The following LRRTM4 variants were observed in gnomAD, a reference collection of about 807,000 sequenced individuals.
LRRTM4 encodes leucine-rich repeat transmembrane neuronal protein 4.
Under a neutral mutation model 47.6 loss-of-function variants are expected in LRRTM4, and 25 were observed. The observed-to-expected ratio is 0.53, with a 90% CI of 0.38 to 0.73. LRRTM4 has a LOEUF of 0.73. Ranked by LOEUF, LRRTM4 falls within the 30% of genes least tolerant of loss-of-function variation. LRRTM4 has a pLI of 0.00. For synonymous variants in LRRTM4, 311 were observed against 269.5 expected, an observed-to-expected ratio of 1.15 and a Z score of -1.51; for missense variants, 638 against 713.4, an observed-to-expected ratio of 0.89 and a Z score of 1.20.
At chr2:77,275,498 G>A (rs1395768943) in intron 3 of LRRTM4, among the ~76,000 whole-genome samples, 1 of 152,082 alleles carries the variant, frequency 6.6e-6, no homozygotes, top group Non-Finnish European at 1.5e-5. Flanking sequence ...TATTCTGTAG[G>A]CAATGTTATT....
At chr2:77,462,020 C>T (rs1247386432) in intron 3 of LRRTM4, among the ~76,000 whole-genome samples, 1 of 152,082 alleles carries the variant, frequency 6.6e-6, no homozygotes, top group African/African-American at 2.4e-5. Flanking sequence ...AAACTGAGAA[C>T]AACTGAAGAG....
At chr2:77,513,512 ATT>A (rs1276446549) in intron 3 of LRRTM4, among the ~76,000 whole-genome samples, 16 of 152,110 alleles carry the variant, frequency 1.1e-4, no homozygotes, top group Non-Finnish European at 2.4e-4. Context: ...ACTATGTTAA[ATT>A]TTGTTTTTTG....
intron 3 of LRRTM4, among the ~76,000 whole-genome samples, chr2:76,869,631 A>T (rs571676442): frequency 6.6e-6 from 1 of 152,166 alleles, no homozygotes; most frequent in Non-Finnish European, 1.5e-5. Context: ...ACTTAAAAAC[A>T]TGGCTGTTAT....
chr2:77,397,449 T>C (rs1673747522), intron 3 of LRRTM4, among the ~76,000 whole-genome samples: 1 of 151,824 alleles, frequency 6.6e-6, no homozygotes, highest in South Asian at 2.1e-4. Context: ...AGAGACTTGA[T>C]CGCCCACAGG....
chr2:77,110,278 C>A (rs767692192), intron 3 of LRRTM4, among the ~76,000 whole-genome samples: 9 of 152,082 alleles, frequency 5.9e-5, no homozygotes, highest in Non-Finnish European at 1.2e-4. Context: ...TAGTTGGCAA[C>A]CTAGAATTTA....
intron 3 of LRRTM4, among the ~76,000 whole-genome samples, chr2:77,373,795 T>G (rs1282033892): frequency 6.6e-6 from 1 of 151,798 alleles, no homozygotes; most frequent in Non-Finnish European, 1.5e-5. Context: ...TCAGGGGGTT[T>G]CTTGCGGAGA....
intron 3 of LRRTM4, among the ~76,000 whole-genome samples, chr2:77,066,512 C>T (rs1053093836): frequency 2.0e-5 from 3 of 152,108 alleles, no homozygotes; most frequent in African/African-American, 4.8e-5. Context: ...CACAAAAACC[C>T]GTATATTAAT....
At chr2:77,336,723 A>G (rs1274360377) in intron 3 of LRRTM4, among the ~76,000 whole-genome samples, 1 of 152,180 alleles carries the variant, frequency 6.6e-6, no homozygotes, top group African/African-American at 2.4e-5. Context: ...CCTCAAAATA[A>G]TAAGAGCTAT....
intron 3 of LRRTM4, among the ~76,000 whole-genome samples, chr2:76,796,051 G>A (rs139879991): frequency 0.16 from 16,308 of 102,712 alleles, 3,530 homozygotes; most frequent in East Asian, 0.44. Flanking sequence ...AGAAAGGGGT[G>A]ATGTACTGCA....
At chr2:77,331,053 T>C (rs1025767460) in intron 3 of LRRTM4, among the ~76,000 whole-genome samples, 20 of 152,030 alleles carry the variant, frequency 1.3e-4, no homozygotes, top group African/African-American at 4.4e-4. Context: ...AAATGGTTTA[T>C]GTAATTTGAA....
At position 77,519,294 on chromosome 2, in the gene LRRTM4, C is replaced by T. The variant is rs770333447; in HGVS notation, c.575G>A (p.Arg192His). Residue 192 changes from arginine to histidine, a missense_variant, in exon 3 of 4, where the codon CGT becomes CAT. By Grantham distance (29) the Arg-to-His change is conservative. Coordinates refer to ENST00000409884, the MANE Select transcript of LRRTM4 (RefSeq NM_001134745.3). The surrounding 1 kb of genome is among the most constrained non-coding windows in gnomAD (Gnocchi z 4.6). ...TGCATTTCGGGACAAGCTTCGAAGA[C>T]GATTGTAACCCAAATCCAAAAAATC... is the stretch of plus-strand genomic sequence containing the variant. Reference protein sequence around the residue: ...NLDFLDLGYNRLRSLSRNAFA... With the variant: ...NLDFLDLGYNHLRSLSRNAFA... The T allele has an allele frequency of 2.5e-6, 4 of 1,613,250 alleles. No individual in the cohort carries two copies. Among genetic ancestry groups the T allele is most frequent in the Non-Finnish European group, 3.4e-6 (4 of 1,179,586 alleles).
intron 3 of LRRTM4, among the ~76,000 whole-genome samples, chr2:77,441,582 T>C (rs1310149772): frequency 1.3e-5 from 2 of 152,174 alleles, no homozygotes; most frequent in Non-Finnish European, 2.9e-5. Context: ...AAGATGGAGA[T>C]AATAAGCTTA....
At chr2:76,828,650 G>T (rs758153409) in intron 3 of LRRTM4, among the ~76,000 whole-genome samples, 5 of 151,896 alleles carry the variant, frequency 3.3e-5, no homozygotes, top group Non-Finnish European at 5.9e-5. Flanking sequence ...TGTGTTTTTA[G>T]AAACAGTTAG....
At chr2:76,949,813 A>G (rs1675439846) in intron 3 of LRRTM4, among the ~76,000 whole-genome samples, 1 of 151,970 alleles carries the variant, frequency 6.6e-6, no homozygotes, top group Non-Finnish European at 1.5e-5. Context: ...TGATGATGAC[A>G]TTAAGAAAAC....
intron 3 of LRRTM4, among the ~76,000 whole-genome samples, chr2:77,162,316 G>A (rs1191534531): frequency 2.0e-5 from 3 of 152,180 alleles, no homozygotes; most frequent in Non-Finnish European, 4.4e-5. Flanking sequence ...TAAACAAAGT[G>A]GCCAGGAATC....
intron 3 of LRRTM4, among the ~76,000 whole-genome samples, chr2:77,271,691 C>G (rs879256725): frequency 2.0e-5 from 3 of 152,202 alleles, no homozygotes; most frequent in Non-Finnish European, 4.4e-5. Flanking sequence ...ACTTTCCAGG[C>G]TGCTACTCAG....
chr2:77,244,020 G>A (rs1216445753), intron 3 of LRRTM4, among the ~76,000 whole-genome samples: 1 of 128,224 alleles, frequency 7.8e-6, no homozygotes, highest in South Asian at 2.8e-4. Flanking sequence ...AATATGCGGT[G>A]TTTGGTTTTT....
At chr2:77,089,659 CCTT>C (rs1408367208) in intron 3 of LRRTM4, among the ~76,000 whole-genome samples, 3 of 152,150 alleles carry the variant, frequency 2.0e-5, no homozygotes, top group Admixed American at 2.0e-4. Flanking sequence ...CTCCATTCCT[CCTT>C]CTACTCCCCT....
chr2:77,015,558 T>A (rs184486592), intron 3 of LRRTM4, among the ~76,000 whole-genome samples: 329 of 151,922 alleles, frequency 2.2e-3, no homozygotes, highest in Non-Finnish European at 4.0e-3. Context: ...ACTCCTGACC[T>A]TGTGATCCAC....
Sources: allele counts gnomAD v4.1 joint callset (sites outside exome capture counted in the v4.1 genomes callset), GRCh38; gene constraint gnomAD v4.1.1; non-coding constraint Gnocchi (gnomAD v3.1); transcripts MANE v1.5; gene names NCBI Gene and HGNC (gene_info 2026-07-23, HGNC 2026-07-21).